The following GRXCR1 variants were observed in gnomAD, a reference collection of about 807,000 sequenced individuals.
The protein encoded by GRXCR1 is glutaredoxin domain-containing cysteine-rich protein 1.
GRXCR1 carries 27 observed loss-of-function variants against 27.3 expected under a neutral mutation model. The ratio of observed to expected loss-of-function variants is 0.99; its 90% confidence interval spans 0.73 to 1.37. GRXCR1 has a LOEUF of 1.37. Among genes scored for constraint, GRXCR1 ranks in the 40% most tolerant of loss-of-function variants. GRXCR1 has a pLI of 0.00. For synonymous variants in GRXCR1, 122 were observed against 131.1 expected, an observed-to-expected ratio of 0.93 and a Z score of 0.47; for missense variants, 379 against 354.4, an observed-to-expected ratio of 1.07 and a Z score of -0.56.
chr4:43,006,003 A>T (rs575438080), intron 2 of GRXCR1, among the ~76,000 whole-genome samples: 17 of 152,340 alleles, frequency 1.1e-4, no homozygotes, highest in Admixed American at 6.5e-5. Context: ...TTTCATGGAC[A>T]TTTATTAGTT....
intron 2 of GRXCR1, among the ~76,000 whole-genome samples, chr4:42,970,956 T>C (rs1297181142): frequency 6.6e-6 from 1 of 152,172 alleles, no homozygotes; most frequent in African/African-American, 2.4e-5. Flanking sequence ...TATGACTGTA[T>C]GCTTTCAGAA....
At chr4:42,898,251 A>G (rs1237976939) in intron 1 of GRXCR1, among the ~76,000 whole-genome samples, 1 of 151,644 alleles carries the variant, frequency 6.6e-6, no homozygotes, top group Non-Finnish European at 1.5e-5. Flanking sequence ...TGAACATTTG[A>G]TCTTCATCTA....
chr4:42,922,590 C>T (rs971530236), intron 1 of GRXCR1, among the ~76,000 whole-genome samples: 4 of 151,990 alleles, frequency 2.6e-5, no homozygotes, highest in Admixed American at 6.6e-5. Flanking sequence ...TCCCCATGTC[C>T]CCCATTAGGG....
chr4:42,932,607 TATATATATATATAGAGAGAG>T (rs1286276834), intron 1 of GRXCR1, among the ~76,000 whole-genome samples: 222 of 55,164 alleles, frequency 4.0e-3, no homozygotes, highest in South Asian at 5.6e-3. Flanking sequence ...TATATATATA[TATATATATATATAGAGAGAG>T]AGAGAGAGAG....
intron 1 of GRXCR1, among the ~76,000 whole-genome samples, chr4:42,914,176 C>T (rs190320428): frequency 2.2e-4 from 33 of 152,340 alleles, no homozygotes; most frequent in African/African-American, 7.5e-4. Context: ...CAGCCACCAT[C>T]CTCCAATCCC....
At chr4:42,979,304 GATTTT>G (rs559452586) in intron 2 of GRXCR1, among the ~76,000 whole-genome samples, 1 of 152,156 alleles carries the variant, frequency 6.6e-6, no homozygotes, top group South Asian at 2.1e-4. Flanking sequence ...CATTGAGTAT[GATTTT>G]AGCTATGAGT....
At chr4:42,896,630 A>G (rs966438288) in intron 1 of GRXCR1, among the ~76,000 whole-genome samples, 1 of 152,110 alleles carries the variant, frequency 6.6e-6, no homozygotes, top group Non-Finnish European at 1.5e-5. Flanking sequence ...TCTAGCCATG[A>G]CTGTGGCCTG....
chr4:42,983,120 A>G (rs2109786214), intron 2 of GRXCR1, among the ~76,000 whole-genome samples: 1 of 150,588 alleles, frequency 6.6e-6, no homozygotes, highest in South Asian at 2.1e-4. Flanking sequence ...TTAGACATGA[A>G]GTCCTTGCCC....
At chr4:42,954,326 T>A (rs1747951193) in intron 1 of GRXCR1, among the ~76,000 whole-genome samples, 2 of 152,198 alleles carry the variant, frequency 1.3e-5, no homozygotes, top group African/African-American at 2.4e-5. Flanking sequence ...TTTCTAGGAC[T>A]GTCCCTGTGA....
intron 1 of GRXCR1, among the ~76,000 whole-genome samples, chr4:42,940,228 C>T (rs1050403667): frequency 7.9e-5 from 12 of 152,024 alleles, no homozygotes; most frequent in Middle Eastern, 3.2e-3. Context: ...CCCTCTCATG[C>T]TAGTACACAC....
intron 2 of GRXCR1, among the ~76,000 whole-genome samples, chr4:42,988,636 T>TTAAA (rs1420673005): frequency 1.3e-5 from 2 of 152,224 alleles, no homozygotes; most frequent in Non-Finnish European, 2.9e-5. Flanking sequence ...CTCTTTATTA[T>TTAAA]TAAATAATTT....
intron 1 of GRXCR1, among the ~76,000 whole-genome samples, chr4:42,907,762 T>G (rs557785734): frequency 4.7e-4 from 72 of 152,320 alleles, no homozygotes; most frequent in African/African-American, 1.7e-3. Context: ...CCAAAGTGAC[T>G]AGATGTCAGC....
chr4:42,970,110 T>C (rs765027482), intron 2 of GRXCR1, among the ~76,000 whole-genome samples: 1 of 152,128 alleles, frequency 6.6e-6, no homozygotes, highest in Non-Finnish European at 1.5e-5. Flanking sequence ...ACATCCAGGG[T>C]ATGCTAATGC....
chr4:42,987,263 T>A (rs1346077162), intron 2 of GRXCR1, among the ~76,000 whole-genome samples: 3 of 76,892 alleles, frequency 3.9e-5, no homozygotes, highest in Admixed American at 1.6e-4. Context: ...ATATATATAA[T>A]ATATATATAT....
intron 2 of GRXCR1, among the ~76,000 whole-genome samples, chr4:42,998,519 A>G (rs1438730689): frequency 1.3e-5 from 2 of 152,254 alleles, no homozygotes; most frequent in African/African-American, 4.8e-5. Context: ...ATACATTGTA[A>G]AAATGTTAAT....
intron 1 of GRXCR1, among the ~76,000 whole-genome samples, chr4:42,948,040 T>C (rs185705418): frequency 2.6e-5 from 4 of 152,300 alleles, no homozygotes; most frequent in Admixed American, 2.6e-4. Flanking sequence ...GCTTTTGAAA[T>C]CTTGTCGTTA....
chr4:42,932,000 G>A (rs13135695), intron 1 of GRXCR1, among the ~76,000 whole-genome samples: 22,197 of 151,800 alleles, frequency 0.15, 1,684 homozygotes, highest in South Asian at 0.2. Flanking sequence ...ATCACATCTC[G>A]TGAGACTTAT....
rs76632971 is a variant in GRXCR1 at position 43,017,492 on chromosome 4, T to G, written c.628-2862T>G. On this transcript the variant is annotated intron_variant, in intron 2 of 3. Coordinates refer to ENST00000399770, the MANE Select transcript of GRXCR1 (RefSeq NM_001080476.3). ...TATTTAAAAAACTGAGATAGTTCCTTTCTTAAAAAATGCTTACTTCGCACC... is the reference window on the plus strand; with the variant it reads ...TATTTAAAAAACTGAGATAGTTCCTGTCTTAAAAAATGCTTACTTCGCACC... 6.6e-3 allele frequency among the ~76,000 whole-genome samples: 1,004 copies of G among 152,322 alleles called. 9 individuals carry two copies. Among genetic ancestry groups the G allele is most frequent in the African/African-American group, 0.023 (960 of 41,582 alleles).
intron 2 of GRXCR1, among the ~76,000 whole-genome samples, chr4:42,982,587 G>A (rs1231103586): frequency 8.1e-6 from 1 of 123,728 alleles, no homozygotes; most frequent in Non-Finnish European, 1.7e-5. Context: ...GGGATGGCTG[G>A]GTCAAATGGT....
Sources: gnomAD v4.1 joint callset for allele counts (sites outside exome capture counted in the v4.1 genomes callset) on GRCh38, gnomAD v4.1.1 for gene constraint, MANE v1.5 for transcripts, NCBI Gene and HGNC (gene_info 2026-07-23, HGNC 2026-07-21) for gene names.